Variants in RNF220 observed in about 807,000 individuals in gnomAD.
The protein encoded by RNF220 is E3 ubiquitin-protein ligase RNF220.
Under a neutral mutation model 67.1 loss-of-function variants are expected in RNF220, and 7 were observed. That is an observed-to-expected ratio of 0.10 (90% CI 0.06 to 0.20). The LOEUF (loss-of-function observed/expected upper bound fraction) is 0.20. Among genes scored for constraint, RNF220 ranks in the 10% least tolerant of loss-of-function variants. RNF220 has a pLI of 1.00. For missense variants in RNF220, 565 were observed against 740.3 expected (o/e 0.76, Z 2.75); for synonymous variants, 270 against 283.2 (o/e 0.95, Z 0.47).
rs552712567 is a variant in RNF220 at position 44,412,870 on chromosome 1, T to C, written c.625+148T>C. On this transcript the variant is annotated intron_variant, in intron 2 of 14. Coordinates refer to ENST00000361799, the MANE Select transcript of RNF220 (RefSeq NM_018150.4). This position sits in a 1 kb window ranked among gnomAD's most constrained non-coding sequence, Gnocchi z 5.3. ...CTAGCTGTGGAGTGCTAACCTTTGC[T>C]TGTCTCTTATCAGTGAGCACTGATA... The C allele has an allele frequency of 2.2e-6, 2 of 927,032 alleles. No individual in the cohort carries two copies. The highest frequency in any genetic ancestry group is 1.6e-6 in the Non-Finnish European group (1 of 613,178). 57.4% of individuals were successfully genotyped at this position (927,032 alleles called of 1,614,324 possible). A position where few individuals can be genotyped will look rare whatever the true frequency, so the allele number is the denominator to read the frequency against.
rs115662984 is a variant in RNF220, at chr1:44,493,000, T to C, written c.625+80278T>C. On this transcript the variant is annotated intron_variant, in intron 2 of 14. Coordinates refer to ENST00000361799, the MANE Select transcript of RNF220 (RefSeq NM_018150.4). ...TTCACACTCCTGGGCTCAAGCATTC[T>C]TCTTGCCTCAGCTTCCTGAGTAGCT... 5.0e-3 allele frequency among the ~76,000 whole-genome samples: 767 copies of C among 152,164 alleles called. 11 individuals are homozygous for C. Among genetic ancestry groups the C allele is most frequent in the African/African-American group, 0.017 (721 of 41,502 alleles).
intron 2 of RNF220, among the ~76,000 whole-genome samples, chr1:44,561,761 T>TA (rs1663590916): frequency 6.6e-6 from 1 of 151,316 alleles, no homozygotes; most frequent in Non-Finnish European, 1.5e-5. Flanking sequence ...TACTAAAAAT[T>TA]AAAAAATTAA....
chr1:44,501,744 C>G (rs1294798403), intron 2 of RNF220, among the ~76,000 whole-genome samples: 2 of 152,070 alleles, frequency 1.3e-5, no homozygotes, highest in Non-Finnish European at 2.9e-5. Flanking sequence ...GACTTTGTGA[C>G]AAGTGCAGGC....
intron 2 of RNF220, among the ~76,000 whole-genome samples, chr1:44,516,986 C>T (rs1044592246): frequency 6.6e-6 from 1 of 152,066 alleles, no homozygotes; most frequent in African/African-American, 2.4e-5. Flanking sequence ...ATGGCACCTC[C>T]CCATCCACTT....
At chr1:44,602,207 G>A (rs1007684701) in intron 2 of RNF220, among the ~76,000 whole-genome samples, 6 of 152,154 alleles carry the variant, frequency 3.9e-5, no homozygotes, top group African/African-American at 1.4e-4. Context: ...TTCGGGGAGA[G>A]AGGCAAGTGT....
chr1:44,411,673 T>C (rs1443153197), intron 1 of RNF220, among the ~76,000 whole-genome samples: 1 of 152,202 alleles, frequency 6.6e-6, no homozygotes, highest in African/African-American at 2.4e-5. Flanking sequence ...CTTCCAAAGC[T>C]CATTTGTTCA....
rs181310326 is a variant in RNF220, at chr1:44,453,633, C to G, written c.625+40911C>G. On this transcript the variant is annotated intron_variant, in intron 2 of 14. Transcript: ENST00000361799. ...ATAGATTTCTAAATACAGAACCATC[C>G]CCTGCATTACTAGATAAATTTTATC... is the stretch of plus-strand genomic sequence containing the variant. Among the ~76,000 whole-genome samples, 49 of 151,490 alleles carry G rather than the reference C, an allele frequency of 3.2e-4. 1 individual carries two copies. Among genetic ancestry groups the G allele is most frequent in the African/African-American group, 9.9e-4 (41 of 41,294 alleles).
intron 2 of RNF220, among the ~76,000 whole-genome samples, chr1:44,528,884 G>T (rs1660619036): frequency 6.6e-6 from 1 of 152,176 alleles, no homozygotes; most frequent in African/African-American, 2.4e-5. Flanking sequence ...AAAGTGCTGG[G>T]ATTACAGGCA....
chr1:44,432,247 A>C (rs1380790596), intron 2 of RNF220, among the ~76,000 whole-genome samples: 1 of 152,100 alleles, frequency 6.6e-6, no homozygotes, highest in East Asian at 1.9e-4. Context: ...ACAACAGTCA[A>C]CTAAAAGTTG....
chr1:44,650,075 C>A lies in RNF220; in HGVS notation c.1629+118C>A. 3 of 1,043,326 alleles carry A rather than the reference C, an allele frequency of 2.9e-6. No individual in the cohort carries two copies. Among genetic ancestry groups the A allele is most frequent in the Non-Finnish European group, 2.8e-6 (2 of 713,698 alleles). 64.6% of individuals were successfully genotyped at this position (1,043,326 alleles called of 1,614,324 possible). A position where few individuals can be genotyped will look rare whatever the true frequency, so the allele number is the denominator to read the frequency against. On this transcript the variant is annotated intron_variant, in intron 14 of 14. Transcript: ENST00000361799. This position sits in a 1 kb window ranked among gnomAD's most constrained non-coding sequence, Gnocchi z 4.3. Reference sequence around the variant, plus strand: ...GAGCATGGCGCAAAGGAGAACAGAGCCAGGAGCCAGGATATTTACCCGCAG... The same window carrying A: ...GAGCATGGCGCAAAGGAGAACAGAGACAGGAGCCAGGATATTTACCCGCAG...
Position 44,651,346 on chromosome 1 carries a change from TC to T in RNF220, c.*572del, listed in dbSNP as rs1644782705. On this transcript the variant is annotated 3_prime_UTR_variant, in exon 15 of 15. Transcript: ENST00000361799. Reference sequence around the variant, plus strand: ...TCTCTCTCCTGTGGTGTCCCTTCCCTCTCCCATGTGCTCGGTGTTCAGTGGT... The same window carrying T: ...TCTCTCTCCTGTGGTGTCCCTTCCCTTCCCATGTGCTCGGTGTTCAGTGGT... The T allele has an allele frequency of 6.0e-6, 1 of 166,900 alleles. No individual in the cohort carries two copies. Among genetic ancestry groups the T allele is most frequent in the Non-Finnish European group, 1.3e-5 (1 of 75,312 alleles). The allele number at this position is 166,900 out of a possible 1,614,324, so 10.3% of individuals were successfully genotyped here.
intron 2 of RNF220, among the ~76,000 whole-genome samples, chr1:44,549,298 A>G (rs1662426137): frequency 6.6e-6 from 1 of 152,220 alleles, no homozygotes; most frequent in East Asian, 1.9e-4. Context: ...CCCTAGCACA[A>G]TGCCTTGCAT....
rs556298047 is a variant in RNF220, at chr1:44,632,624, G to A, written c.949+239G>A. 1.6e-3 allele frequency: 938 copies of A among 585,200 alleles called. 7 individuals are homozygous for A. The highest frequency in any genetic ancestry group is 0.016 in the African/African-American group (833 of 53,554). 36.3% of individuals were successfully genotyped at this position (585,200 alleles called of 1,614,324 possible). On this transcript the variant is annotated intron_variant, in intron 6 of 14. Transcript: ENST00000361799. ...CTCTCTAAAGGCCCTGAAGAACCCT[G>A]GGGGGGCAATAAGTGCCGGAGAATG...
chr1:44,474,672 G>A (rs995075477), intron 2 of RNF220, among the ~76,000 whole-genome samples: 13 of 151,648 alleles, frequency 8.6e-5, no homozygotes, highest in African/African-American at 1.7e-4. Context: ...TCACACCATC[G>A]CACTCCAGCC....
chr1:44,435,882 G>T (rs994351631), intron 2 of RNF220, among the ~76,000 whole-genome samples: 1 of 151,860 alleles, frequency 6.6e-6, no homozygotes, highest in Non-Finnish European at 1.5e-5. Flanking sequence ...AGATCGTGCC[G>T]TTGCACTCCG....
At chr1:44,524,835 T>C (rs948906430) in intron 2 of RNF220, among the ~76,000 whole-genome samples, 1 of 152,230 alleles carries the variant, frequency 6.6e-6, no homozygotes, top group African/African-American at 2.4e-5. Flanking sequence ...CTGTAATGTA[T>C]AGCTTGTCAG....
chr1:44,412,289 C>T lies in RNF220; in HGVS notation c.192C>T (p.Asn64=), dbSNP rs183301724. 4.4e-5 allele frequency: 71 copies of T among 1,614,218 alleles called. No individual in the cohort carries two copies. The highest frequency in any genetic ancestry group is 1.2e-4 in the Admixed American group (7 of 60,028). Residue 64 remains asparagine, a synonymous_variant, in exon 2 of 15, where the codon AAC becomes AAT. Coordinates refer to ENST00000361799, the MANE Select transcript of RNF220 (RefSeq NM_018150.4). This position sits in a 1 kb window ranked among gnomAD's most constrained non-coding sequence, Gnocchi z 5.3. ...VDKDVHIPFT[N]GSYTFASMYH... ...AGGACGTGCATATTCCTTTCACCAA[C>T]GGTTCCTATACCTTTGCCTCTATGT...
intron 2 of RNF220, among the ~76,000 whole-genome samples, chr1:44,441,728 C>T (rs1323693889): frequency 2.6e-5 from 4 of 152,142 alleles, no homozygotes; most frequent in African/African-American, 9.7e-5. Flanking sequence ...GCAGAGAATA[C>T]TCAAGACATG....
intron 2 of RNF220, among the ~76,000 whole-genome samples, chr1:44,436,253 T>TG (rs1010539987): frequency 6.6e-6 from 1 of 152,072 alleles, no homozygotes; most frequent in Non-Finnish European, 1.5e-5. Flanking sequence ...CCTGGGCCTC[T>TG]GGGGGGCCCA....
Sources: gnomAD v4.1 joint callset for allele counts (sites outside exome capture counted in the v4.1 genomes callset) on GRCh38, gnomAD v4.1.1 for gene constraint, Gnocchi (gnomAD v3.1) non-coding constraint, MANE v1.5 for transcripts, NCBI Gene and HGNC (gene_info 2026-07-23, HGNC 2026-07-21) for gene names.